Variants in UGGT2 observed in about 807,000 individuals in gnomAD.
UGGT2 encodes the protein UDP-glucose:glycoprotein glucosyltransferase 2.
A neutral mutation model predicts 192.1 loss-of-function variants in UGGT2; 180 were observed. The ratio of observed to expected loss-of-function variants is 0.94; its 90% CI spans 0.83 to 1.06. The LOEUF (loss-of-function observed/expected upper bound fraction) is 1.06. Ranked by LOEUF, UGGT2 falls within the 50% of genes least tolerant of loss-of-function variation. The pLI is 0.00. For synonymous variants in UGGT2, 580 were observed against 591.0 expected, an observed-to-expected ratio of 0.98 and a Z score of 0.27; for missense variants, 1,849 against 1,795.7, an observed-to-expected ratio of 1.03 and a Z score of -0.54.
At chr13:96,033,520 G>C (rs2052904039) in intron 1 of UGGT2, among the ~76,000 whole-genome samples, 1 of 152,094 alleles carries the variant, frequency 6.6e-6, no homozygotes, top group South Asian at 2.1e-4. Context: ...TGCACTCCCT[G>C]GGTGCAGCTG....
intron 16 of UGGT2, among the ~76,000 whole-genome samples, 193 bp downstream of exon 16, chr13:95,939,764 T>G (rs529875589): frequency 9.8e-4 from 149 of 152,264 alleles, no homozygotes; most frequent in African/African-American, 3.5e-3. Flanking sequence ...AACTTATTTC[T>G]CTAGTCTAAC....
chr13:95,806,137 T>TA (rs1452172341), intron 38 of UGGT2, among the ~76,000 whole-genome samples: 2 of 131,218 alleles, frequency 1.5e-5, no homozygotes, highest in Non-Finnish European at 1.6e-5. Flanking sequence ...TGGGATGCAA[T>TA]AAAAAAAAGT....
chr13:95,865,123 A>G (rs1890533564), intron 30 of UGGT2, among the ~76,000 whole-genome samples: 1 of 152,096 alleles, frequency 6.6e-6, no homozygotes, highest in Non-Finnish European at 1.5e-5. Flanking sequence ...CATTCATTCT[A>G]CTTCGTAATT....
At chr13:96,043,096 C>A (rs1018842800) in intron 1 of UGGT2, among the ~76,000 whole-genome samples, 7 of 152,124 alleles carry the variant, frequency 4.6e-5, no homozygotes, top group Admixed American at 1.3e-4. Flanking sequence ...AGGAAAGAAT[C>A]TTAAGAGCTG....
At chr13:95,960,918 GA>G (rs1351904972) in intron 12 of UGGT2, among the ~76,000 whole-genome samples, 6 of 152,102 alleles carry the variant, frequency 3.9e-5, no homozygotes, top group African/African-American at 1.4e-4. Flanking sequence ...GCCAGTTGAG[GA>G]TACTATACCC....
intron 1 of UGGT2, among the ~76,000 whole-genome samples, chr13:96,034,643 G>A (rs1000512377): frequency 1.3e-5 from 2 of 152,228 alleles, no homozygotes; most frequent in Admixed American, 1.3e-4. Context: ...CTTTAGGGCT[G>A]TGTGGTTCCT....
intron 38 of UGGT2, among the ~76,000 whole-genome samples, chr13:95,823,536 C>T (rs1229489496): frequency 6.6e-6 from 1 of 151,958 alleles, no homozygotes; most frequent in Non-Finnish European, 1.5e-5. Flanking sequence ...TTTTTCACTG[C>T]TGATGCCTTA....
At chr13:96,042,341 C>T (rs557140058) in intron 1 of UGGT2, among the ~76,000 whole-genome samples, 27 of 152,300 alleles carry the variant, frequency 1.8e-4, no homozygotes, top group Non-Finnish European at 3.5e-4. Flanking sequence ...GGGAACACCT[C>T]TATGGGACAA....
chr13:95,812,885 T>C (rs969253630), intron 38 of UGGT2, among the ~76,000 whole-genome samples: 3 of 152,196 alleles, frequency 2.0e-5, no homozygotes, highest in African/African-American at 7.2e-5. Context: ...CTAAAGCTGA[T>C]TGCCGTGATG....
chr13:95,890,226 C>G (rs990350685), intron 25 of UGGT2, among the ~76,000 whole-genome samples: 1 of 152,178 alleles, frequency 6.6e-6, no homozygotes, highest in Non-Finnish European at 1.5e-5. Flanking sequence ...TAAGCTTCAG[C>G]TTCTCCAAAA....
At chr13:95,855,106 T>TAAAAAA (rs10713359) in intron 34 of UGGT2, among the ~76,000 whole-genome samples, 14 of 49,958 alleles carry the variant, frequency 2.8e-4, no homozygotes, top group African/African-American at 1.2e-3. Flanking sequence ...ACCCTGTCTG[T>TAAAAAA]AAAAAAAAAA....
intron 19 of UGGT2, 35 bp downstream of exon 19, chr13:95,926,993 T>C: frequency 6.5e-7 from 1 of 1,543,812 alleles, no homozygotes; most frequent in Non-Finnish European, 8.8e-7. Context: ...TTTCTATCAC[T>C]TTAAGAATTC....
At chr13:95,815,204 C>A (rs1168764507) in intron 38 of UGGT2, among the ~76,000 whole-genome samples, 1 of 152,080 alleles carries the variant, frequency 6.6e-6, no homozygotes, top group African/African-American at 2.4e-5. Flanking sequence ...GAGGCCCTTG[C>A]CAGTCCAGCA....
At chr13:95,996,940 C>G (rs2051642097) in intron 6 of UGGT2, among the ~76,000 whole-genome samples, 1 of 152,090 alleles carries the variant, frequency 6.6e-6, no homozygotes, top group East Asian at 1.9e-4. Flanking sequence ...ACTATACAGT[C>G]TGGTTGGTGT....
At chr13:96,043,199 T>C (rs563159882) in intron 1 of UGGT2, among the ~76,000 whole-genome samples, 4 of 152,260 alleles carry the variant, frequency 2.6e-5, no homozygotes, top group African/African-American at 9.6e-5. Context: ...CTAGAAGGGA[T>C]TGGGGCCCTA....
intron 37 of UGGT2, among the ~76,000 whole-genome samples, chr13:95,834,785 T>G (rs2139895688): frequency 6.6e-6 from 1 of 152,282 alleles, no homozygotes; most frequent in Non-Finnish European, 1.5e-5. Context: ...CATCTAGATA[T>G]GGCCACGTGA....
At chr13:95,989,910 G>A in intron 8 of UGGT2, 63 bp downstream of exon 8, 1 of 1,036,978 alleles carries the variant, frequency 9.6e-7, no homozygotes, top group Non-Finnish European at 1.4e-6. Flanking sequence ...ATATATAAAA[G>A]CTTATTTAAC....
chr13:95,987,053 T>C (rs2051311025), intron 8 of UGGT2, among the ~76,000 whole-genome samples: 1 of 152,148 alleles, frequency 6.6e-6, no homozygotes, highest in South Asian at 2.1e-4. Context: ...ATTCTTTCAT[T>C]ACCTACCTCA....
At chr13:96,044,529 A>T (rs2053253147) in intron 1 of UGGT2, among the ~76,000 whole-genome samples, 1 of 152,208 alleles carries the variant, frequency 6.6e-6, no homozygotes, top group African/African-American at 2.4e-5. Flanking sequence ...AAATTGAAAC[A>T]AACAAAAAAT....
Sources: gnomAD v4.1 joint callset for allele counts (sites outside exome capture counted in the v4.1 genomes callset) on GRCh38, gnomAD v4.1.1 for gene constraint, MANE v1.5 for transcripts, NCBI Gene and HGNC (gene_info 2026-07-23, HGNC 2026-07-21) for gene names.